Variants in CALCR observed in about 807,000 individuals in gnomAD.
CALCR encodes calcitonin receptor.
In CALCR, 47 loss-of-function variants were observed where a neutral mutation model predicts 59.5. The observed-to-expected ratio is 0.79, with a 90% CI of 0.63 to 1.01. The LOEUF is 1.01. Among genes scored for constraint, CALCR ranks in the 50% least tolerant of loss-of-function variants. CALCR has a pLI of 0.00. For missense variants in CALCR, 566 were observed against 597.1 expected, an observed-to-expected ratio of 0.95 and a Z score of 0.54; for synonymous variants, 213 against 211.3, an observed-to-expected ratio of 1.01 and a Z score of -0.07.
intron 2 of CALCR, among the ~76,000 whole-genome samples, chr7:93,491,382 C>T (rs1227682937): frequency 2.0e-5 from 3 of 151,958 alleles, no homozygotes; most frequent in Non-Finnish European, 4.4e-5. Flanking sequence ...AAAGCAATTG[C>T]AACAAAAGCC....
intron 2 of CALCR, among the ~76,000 whole-genome samples, chr7:93,568,943 T>A (rs565977207): frequency 6.6e-6 from 1 of 152,274 alleles, no homozygotes; most frequent in African/African-American, 2.4e-5. Context: ...TGTCCCGACT[T>A]GGTGAATGAC....
At chr7:93,568,509 T>TTCTTTCTC (rs1789919145) in intron 2 of CALCR, among the ~76,000 whole-genome samples, 1 of 102,384 alleles carries the variant, frequency 9.8e-6, no homozygotes, top group African/African-American at 4.0e-5. Flanking sequence ...TAAAATTACT[T>TTCTTTCTC]TCTCTCTCTC....
At chr7:93,441,491 T>C (rs1466143563) in intron 9 of CALCR, 2 of 454,238 alleles carry the variant, frequency 4.4e-6, no homozygotes, top group African/African-American at 4.0e-5. Context: ...GTTGAGAGGG[T>C]GTACATACGG....
At chr7:93,466,104 T>G (rs1219664554) in intron 7 of CALCR, among the ~76,000 whole-genome samples, 1 of 151,860 alleles carries the variant, frequency 6.6e-6, no homozygotes, top group Non-Finnish European at 1.5e-5. Flanking sequence ...TTCCTGAAAG[T>G]TTTATAAAAT....
chr7:93,436,312 A>C, intron 11 of CALCR, 142 bp from the exon 12 acceptor site: 1 of 667,918 alleles, frequency 1.5e-6, no homozygotes, highest in South Asian at 1.9e-5. Context: ...AGGTAGCACA[A>C]TTGGCTCAGC....
intron 3 of CALCR, among the ~76,000 whole-genome samples, chr7:93,484,578 G>T (rs1433580317): frequency 6.6e-6 from 1 of 151,690 alleles, no homozygotes; most frequent in African/African-American, 2.4e-5. Flanking sequence ...AATAAGAAAG[G>T]ACAAAGCACA....
At chr7:93,531,153 A>G (rs1038445865) in intron 2 of CALCR, among the ~76,000 whole-genome samples, 2 of 152,112 alleles carry the variant, frequency 1.3e-5, no homozygotes, top group Non-Finnish European at 2.9e-5. Flanking sequence ...ATTTGACCAT[A>G]AACAGGACGT....
chr7:93,457,969 C>T (rs1011938904), intron 8 of CALCR, among the ~76,000 whole-genome samples: 9 of 152,268 alleles, frequency 5.9e-5, no homozygotes, highest in South Asian at 2.1e-4. Context: ...CACTTACTCT[C>T]ACCGAGCCTC....
intron 3 of CALCR, among the ~76,000 whole-genome samples, chr7:93,481,542 G>A (rs539591512): frequency 2.1e-4 from 32 of 151,976 alleles, no homozygotes; most frequent in African/African-American, 7.7e-4. Flanking sequence ...GAAGATGCTG[G>A]GAAAGGAAAA....
chr7:93,468,528 C>G (rs1800485344), intron 7 of CALCR, among the ~76,000 whole-genome samples, 187 bp downstream of exon 7: 1 of 151,714 alleles, frequency 6.6e-6, no homozygotes, highest in Admixed American at 6.6e-5. Flanking sequence ...ATCCTGTTCT[C>G]CCCAAAGATA....
At chr7:93,557,673 A>AC (rs564316638) in intron 2 of CALCR, among the ~76,000 whole-genome samples, 40 of 152,054 alleles carry the variant, frequency 2.6e-4, no homozygotes, top group African/African-American at 9.6e-4. Flanking sequence ...TGATTATAAC[A>AC]CCTAGATTAT....
intron 2 of CALCR, among the ~76,000 whole-genome samples, chr7:93,494,856 G>A (rs552730420): frequency 4.0e-5 from 6 of 151,448 alleles, no homozygotes; most frequent in African/African-American, 1.4e-4. Flanking sequence ...ATTATTAGAA[G>A]GAAGAAAAGA....
At chr7:93,432,079 T>C (rs1799670390) in intron 13 of CALCR, among the ~76,000 whole-genome samples, 1 of 152,208 alleles carries the variant, frequency 6.6e-6, no homozygotes, top group African/African-American at 2.4e-5. Flanking sequence ...GTTCCTTTCC[T>C]GCTTCTAGTC....
intron 2 of CALCR, among the ~76,000 whole-genome samples, chr7:93,505,374 C>A (rs923650175): frequency 6.6e-6 from 1 of 152,082 alleles, no homozygotes; most frequent in East Asian, 1.9e-4. Context: ...GTGATAGATT[C>A]GGGAAAGTTT....
At chr7:93,487,563 G>A (rs1408316424) in intron 2 of CALCR, among the ~76,000 whole-genome samples, 1 of 151,444 alleles carries the variant, frequency 6.6e-6, no homozygotes, top group Non-Finnish European at 1.5e-5. Flanking sequence ...GATTGAGCAT[G>A]TCATTTAACA....
At chr7:93,570,454 A>AAGACATAAATTTTACTGAAATAGTT (rs1789975766) in intron 2 of CALCR, among the ~76,000 whole-genome samples, 1 of 152,184 alleles carries the variant, frequency 6.6e-6, no homozygotes, top group African/African-American at 2.4e-5. Flanking sequence ...AGAGAGAGGA[A>AAGACATAAATTTTACTGAAATAGTT]AGACATAAAT....
chr7:93,565,034 A>C (rs1789832900), intron 2 of CALCR, among the ~76,000 whole-genome samples: 1 of 152,168 alleles, frequency 6.6e-6, no homozygotes, highest in African/African-American at 2.4e-5. Flanking sequence ...ATACAATGTA[A>C]TGCAGAGCCA....
chr7:93,553,002 A>C (rs1789503278), intron 2 of CALCR, among the ~76,000 whole-genome samples: 2 of 152,234 alleles, frequency 1.3e-5, no homozygotes, highest in Admixed American at 6.5e-5. Flanking sequence ...TAAAACAACA[A>C]CGTATCCATC....
chr7:93,455,384 A>C (rs1408468590), intron 8 of CALCR, among the ~76,000 whole-genome samples: 2 of 151,704 alleles, frequency 1.3e-5, no homozygotes, highest in Admixed American at 6.6e-5. Flanking sequence ...CTCTTTCCCC[A>C]AATTTTTTTT....
Sources: gnomAD v4.1 joint callset for allele counts (sites outside exome capture counted in the v4.1 genomes callset) on GRCh38, gnomAD v4.1.1 for gene constraint, MANE v1.5 for transcripts, NCBI Gene and HGNC (gene_info 2026-07-23, HGNC 2026-07-21) for gene names.